Variants in GNA13 observed in about 807,000 individuals in gnomAD.
The protein encoded by GNA13 is G protein subunit alpha 13.
A neutral mutation model predicts 33.5 loss-of-function variants in GNA13; 4 were observed. That is an observed-to-expected ratio of 0.12 (90% CI 0.06 to 0.27). GNA13 has a LOEUF of 0.27. GNA13 is among the 10% of genes least tolerant of loss of function. The probability of loss-of-function intolerance (pLI) is 1.00; values close to 1 mark genes in which losing one functional copy is unlikely to be tolerated. For synonymous variants in GNA13, 176 were observed against 183.8 expected (o/e 0.96, Z 0.34); for missense variants, 319 against 487.2 (o/e 0.65, Z 3.25).
intron 2 of GNA13, among the ~76,000 whole-genome samples, chr17:65,048,564 T>C (rs1907752056): frequency 6.6e-6 from 1 of 152,218 alleles, no homozygotes; most frequent in South Asian, 2.1e-4. Flanking sequence ...GTGAATCTTG[T>C]ATTTTTCTTT....
chr17:65,049,322 T>A (rs62062476), intron 2 of GNA13, among the ~76,000 whole-genome samples: 4 of 152,220 alleles, frequency 2.6e-5, no homozygotes, highest in East Asian at 1.9e-4. Context: ...GGTTTCACCA[T>A]GTCAGCCAGG....
chr17:65,042,041 C>T (rs1175903752), intron 2 of GNA13, among the ~76,000 whole-genome samples: 3 of 152,012 alleles, frequency 2.0e-5, no homozygotes, highest in Non-Finnish European at 4.4e-5. Flanking sequence ...AATGTTTTCA[C>T]TTGTTTAAAA....
intron 2 of GNA13, among the ~76,000 whole-genome samples, chr17:65,031,370 CAA>C (rs1907002646): frequency 6.6e-6 from 1 of 152,220 alleles, no homozygotes. Context: ...AGTCCTTGAC[CAA>C]AACATCTTCC....
At chr17:65,049,336 G>C (rs1359446534) in intron 2 of GNA13, among the ~76,000 whole-genome samples, 1 of 152,138 alleles carries the variant, frequency 6.6e-6, no homozygotes, top group Non-Finnish European at 1.5e-5. Context: ...AGCCAGGCTG[G>C]TTTCCAACTC....
In GNA13 at chr17:65,018,143, A is replaced by AGT. The variant is rs2143772716; in HGVS notation, c.561+109_561+110insAC. 5 of 370,906 alleles carry AGT rather than the reference A, an allele frequency of 1.3e-5. 1 individual carries two copies. The highest frequency in any genetic ancestry group is 2.6e-5 in the Non-Finnish European group (5 of 195,368). 23.0% of individuals were successfully genotyped at this position (370,906 alleles called of 1,614,324 possible). A position where few individuals can be genotyped will look rare whatever the true frequency, so the allele number is the denominator to read the frequency against. ...AAAAAAAAAAAAAAAAAAAAAAGAGAGAAAGAAGCAAATAGCTTAATACAT... is the reference window on the plus strand; with the variant it reads ...AAAAAAAAAAAAAAAAAAAAAAGAGAGTGAAAGAAGCAAATAGCTTAATACAT... On this transcript the variant is annotated intron_variant, in intron 3 of 3. Coordinates refer to ENST00000439174, the MANE Select transcript of GNA13 (RefSeq NM_006572.6).
intron 2 of GNA13, among the ~76,000 whole-genome samples, chr17:65,047,275 C>T (rs901623627): frequency 1.3e-5 from 2 of 152,132 alleles, no homozygotes; most frequent in Non-Finnish European, 2.9e-5. Context: ...GTAATCCCAG[C>T]ACTTTAGGAG....
chr17:65,013,937 G>A lies in GNA13; in HGVS notation c.*320C>T. The A allele has an allele frequency of 3.1e-6, 1 of 324,556 alleles. No homozygotes were observed. 20.1% of individuals were successfully genotyped at this position (324,556 alleles called of 1,614,324 possible). A position where few individuals can be genotyped will look rare whatever the true frequency, so the allele number is the denominator to read the frequency against. On this transcript the variant is annotated 3_prime_UTR_variant, in exon 4 of 4. Coordinates refer to ENST00000439174, the MANE Select transcript of GNA13 (RefSeq NM_006572.6). ...ACCTTTGATACTTGGCACTGCAGGAGAATTCAGTTTGGAAAGTAGAATAAT... is the reference window on the plus strand; with the variant it reads ...ACCTTTGATACTTGGCACTGCAGGAAAATTCAGTTTGGAAAGTAGAATAAT...
chr17:65,041,729 G>A (rs1907461353), intron 2 of GNA13, among the ~76,000 whole-genome samples: 1 of 152,096 alleles, frequency 6.6e-6, no homozygotes, highest in Non-Finnish European at 1.5e-5. Context: ...CATTCAGTGG[G>A]AGTGGTGAGC....
intron 3 of GNA13, 125 bp downstream of exon 3, chr17:65,018,128 A>AG: frequency 4.5e-6 from 1 of 223,826 alleles, no homozygotes; most frequent in South Asian, 5.3e-5. Context: ...AAAAAAAAAA[A>AG]AAAAAAAAAA....
chr17:65,014,676 T>C lies in GNA13; in HGVS notation c.715A>G (p.Ser239Gly). The C allele has an allele frequency of 1.9e-6, 3 of 1,614,200 alleles. No individual in the cohort carries two copies. Among genetic ancestry groups the C allele is most frequent in the Non-Finnish European group, 2.5e-6 (3 of 1,180,020 alleles). ...ACAAGGAAAAGTATTGATGTCACACTGTCGAAACATTCAAACCAACGTTTC... is the reference window on the plus strand; with the variant it reads ...ACAAGGAAAAGTATTGATGTCACACCGTCGAAACATTCAAACCAACGTTTC... ...ERKRWFECFD[S>G]VTSILFLVSS... The change falls in exon 4 of 4, where the codon AGT (serine) becomes GGT (glycine). Residue 239 changes from serine (S) to glycine (G), a missense_variant. Ser to Gly is a moderately conservative substitution (Grantham distance 56). Around this residue, in one of 4 missense-constraint regions of GNA13, gnomAD observed 134 missense variants for 241.3 expected, o/e 0.56. Coordinates refer to ENST00000439174, the MANE Select transcript of GNA13 (RefSeq NM_006572.6). This position sits in a 1 kb window ranked among gnomAD's most constrained non-coding sequence, Gnocchi z 5.3.
rs887465562 is a variant in GNA13 at position 65,012,754 on chromosome 17, C to G, written c.*1503G>C. On this transcript the variant is annotated 3_prime_UTR_variant, in exon 4 of 4. Transcript: ENST00000439174. ...AGGACCAATAAAATACCTGAGTACACAGTCAGCTATACAGTAAAATGACAG... is the reference window on the plus strand; with the variant it reads ...AGGACCAATAAAATACCTGAGTACAGAGTCAGCTATACAGTAAAATGACAG... 9.0e-6 allele frequency: 2 copies of G among 223,048 alleles called. No individual in the cohort carries two copies. Among genetic ancestry groups the G allele is most frequent in the Non-Finnish European group, 1.8e-5 (2 of 111,732 alleles). 13.8% of individuals were successfully genotyped at this position (223,048 alleles called of 1,614,324 possible).
At chr17:65,031,940 G>A (rs1329811476) in intron 2 of GNA13, among the ~76,000 whole-genome samples, 2 of 144,126 alleles carry the variant, frequency 1.4e-5, no homozygotes, top group East Asian at 1.9e-4. Context: ...GTGTGTGTGT[G>A]TGTGTGTGTG....
At chr17:65,048,183 T>C (rs1907735466) in intron 2 of GNA13, among the ~76,000 whole-genome samples, 1 of 152,156 alleles carries the variant, frequency 6.6e-6, no homozygotes, top group Non-Finnish European at 1.5e-5. Flanking sequence ...CACTGTCCTG[T>C]CCTACGTAAC....
rs971527437 is a variant in GNA13 at position 65,056,546 on chromosome 17, G to T, written c.48C>A (p.Pro16=). ...CCTCGCCACTCGTCAGCAGGCAGCC[G>T]GGGAAGCACACGGACAGCACGGACC... ...PSRSVLSVCF[P]GCLLTSGEAE... The change falls in exon 1 of 4, where the codon CCC becomes CCA. Residue 16 remains proline, a synonymous_variant. Transcript: ENST00000439174. 6.2e-7 allele frequency: 1 copy of T among 1,612,326 alleles called. No individual in the cohort carries two copies. The highest frequency in any genetic ancestry group is 8.5e-7 in the Non-Finnish European group (1 of 1,179,726).
At chr17:65,022,500 T>C (rs1906618031) in intron 2 of GNA13, among the ~76,000 whole-genome samples, 1 of 152,150 alleles carries the variant, frequency 6.6e-6, no homozygotes, top group African/African-American at 2.4e-5. Context: ...ATAATTTTGC[T>C]ATCAAATTCC....
At chr17:65,055,814 G>A (rs1199370044) in intron 1 of GNA13, 2 of 966,066 alleles carry the variant, frequency 2.1e-6, no homozygotes, top group African/African-American at 1.8e-5. Flanking sequence ...AGACGGCCAA[G>A]GAAGCAGGGA....
chr17:65,036,306 G>A (rs746121775), intron 2 of GNA13, among the ~76,000 whole-genome samples: 1 of 152,210 alleles, frequency 6.6e-6, no homozygotes, highest in East Asian at 1.9e-4. Context: ...TCCAAGTCCC[G>A]ATTTGGTCAA....
At chr17:65,042,880 A>C (rs573107007) in intron 2 of GNA13, among the ~76,000 whole-genome samples, 3 of 152,214 alleles carry the variant, frequency 2.0e-5, no homozygotes, top group Non-Finnish European at 4.4e-5. Flanking sequence ...TGAGGTTTAG[A>C]GAGTAAATCA....
intron 3 of GNA13, among the ~76,000 whole-genome samples, chr17:65,017,733 GAC>G (rs1906422205): frequency 6.6e-6 from 1 of 152,038 alleles, no homozygotes. Flanking sequence ...TCCGTGACTC[GAC>G]ACAAAGGGGG....
Sources: gnomAD v4.1 joint callset for allele counts (sites outside exome capture counted in the v4.1 genomes callset) on GRCh38, gnomAD v4.1.1 for gene constraint, gnomAD v4.1.1 regional missense constraint, Gnocchi (gnomAD v3.1) non-coding constraint, MANE v1.5 for transcripts, NCBI Gene and HGNC (gene_info 2026-07-23, HGNC 2026-07-21) for gene names.